The following C17orf78 variants were observed in gnomAD, a reference collection of about 807,000 sequenced individuals.
C17orf78 encodes uncharacterized protein C17orf78.
C17orf78 carries 27 observed loss-of-function variants against 31.8 expected under a neutral mutation model. The ratio of observed to expected loss-of-function variants is 0.85; its 90% CI spans 0.63 to 1.17. The LOEUF (loss-of-function observed/expected upper bound fraction) is 1.17. Ranked by LOEUF, C17orf78 falls within the 50% of genes most tolerant of loss-of-function variation. The pLI, the probability that C17orf78 is intolerant of heterozygous loss-of-function variation, is 0.00. For missense variants in C17orf78, 258 were observed against 315.2 expected (o/e 0.82, Z 1.37); for synonymous variants, 106 against 115.1 (o/e 0.92, Z 0.51).
At chr17:37,381,671 A>G (rs977769388) in intron 3 of C17orf78, among the ~76,000 whole-genome samples, 3 of 128,230 alleles carry the variant, frequency 2.3e-5, no homozygotes, top group East Asian at 2.3e-4. Context: ...TCCGTTGCCC[A>G]GGCTGGAGTG....
At chr17:37,386,267 G>A in intron 4 of C17orf78, 142 bp downstream of exon 4, 1 of 599,888 alleles carries the variant, frequency 1.7e-6, no homozygotes, top group South Asian at 2.6e-5. Flanking sequence ...AATGTACATT[G>A]AAAAATCATT....
intron 1 of C17orf78, among the ~76,000 whole-genome samples, chr17:37,376,854 C>T (rs958618629): frequency 1.3e-5 from 2 of 152,040 alleles, no homozygotes; most frequent in Non-Finnish European, 2.9e-5. Context: ...ACTCGGGTGG[C>T]TGAGGCATAA....
In C17orf78 at chr17:37,376,057, G is replaced by A. The variant is rs751226127; in HGVS notation, c.-36G>A. 3.2e-6 allele frequency: 5 copies of A among 1,576,752 alleles called. No homozygotes were observed. In the South Asian group the frequency reaches 4.4e-5, roughly 14 times the overall value. On this transcript the variant is annotated 5_prime_UTR_variant, in exon 1 of 7. In the 5' UTR this introduces an upstream ATG that the reference lacks. Coordinates refer to ENST00000615133, the MANE Select transcript of C17orf78 (RefSeq NM_173625.5). ...TATCAAGGGCTGTGACAGATGAGCA[G>A]TGGTCTGTCTGCAATGAGCATGTGC...
chr17:37,391,501 A>C (rs1035648943), intron 6 of C17orf78, 146 bp from the exon 7 acceptor site: 9 of 694,356 alleles, frequency 1.3e-5, no homozygotes, highest in African/African-American at 1.1e-4. Context: ...ATACTTTCTC[A>C]GTGTAATTAT....
chr17:37,392,553 A>G lies in C17orf78; in HGVS notation c.*829A>G, dbSNP rs1460959167. The G allele has an allele frequency of 1.3e-5, 2 of 152,178 alleles. No individual in the cohort carries two copies. Among genetic ancestry groups the G allele is most frequent in the Non-Finnish European group, 2.9e-5 (2 of 68,028 alleles). The allele number at this position is 152,178 out of a possible 1,614,324, so 9.4% of individuals were successfully genotyped here. A position where few individuals can be genotyped will look rare whatever the true frequency, so the allele number is the denominator to read the frequency against. Reference sequence around the variant, plus strand: ...GGTGAAAAAGGAAATGTCAGGAGGGATAAGACAGGGTGAGGCCCTGCTTCT... The same window carrying G: ...GGTGAAAAAGGAAATGTCAGGAGGGGTAAGACAGGGTGAGGCCCTGCTTCT... On this transcript the variant is annotated 3_prime_UTR_variant, in exon 7 of 7. Transcript: ENST00000615133.
Position 37,388,749 on chromosome 17 carries a change from T to C in C17orf78, c.588T>C (p.Ser196=), listed in dbSNP as rs2147788091. 3 of 1,613,088 alleles carry C rather than the reference T, an allele frequency of 1.9e-6. No individual in the cohort carries two copies. Among genetic ancestry groups the C allele is most frequent in the Non-Finnish European group, 2.5e-6 (3 of 1,179,436 alleles). ...KILIAVTLLL[S]GVAIIVFVIF... is the part of the protein sequence containing the mutation. Reference sequence around the variant, plus strand: ...TGATTGCTGTCACCCTGTTGCTCAGTGGAGTTGCCATTATAGTATTTGTAA... The same window carrying C: ...TGATTGCTGTCACCCTGTTGCTCAGCGGAGTTGCCATTATAGTATTTGTAA... Residue 196 remains serine (S), a synonymous_variant, in exon 5 of 7, where the codon AGT becomes AGC. Transcript: ENST00000615133.
intron 6 of C17orf78, among the ~76,000 whole-genome samples, chr17:37,390,129 TAA>T (rs67386580): frequency 2.1e-5 from 1 of 47,590 alleles, no homozygotes; most frequent in Non-Finnish European, 3.5e-5. Flanking sequence ...CTGTCTCTAT[TAA>T]AAAAAAAAGT....
At chr17:37,383,324 C>G (rs2050386430) in intron 3 of C17orf78, among the ~76,000 whole-genome samples, 1 of 152,136 alleles carries the variant, frequency 6.6e-6, no homozygotes, top group Admixed American at 6.5e-5. Context: ...AAAGATCAAC[C>G]TGACCTAATT....
chr17:37,377,843 C>A, intron 1 of C17orf78, 36 bp from the exon 2 acceptor site: 2 of 1,533,116 alleles, frequency 1.3e-6, no homozygotes, highest in African/African-American at 1.4e-5. Context: ...CCCAAACCTT[C>A]CCCGGTTCCC....
chr17:37,378,929 C>T (rs1224148390), intron 2 of C17orf78, among the ~76,000 whole-genome samples: 1 of 151,964 alleles, frequency 6.6e-6, no homozygotes, highest in Non-Finnish European at 1.5e-5. Context: ...AGCAAAGTGG[C>T]ATACACCTGT....
intron 3 of C17orf78, among the ~76,000 whole-genome samples, chr17:37,382,153 A>G (rs1390981898): frequency 2.0e-5 from 3 of 152,080 alleles, no homozygotes; most frequent in African/African-American, 7.2e-5. Context: ...TATCAATAAG[A>G]TTCCAAGAAG....
chr17:37,390,858 A>T (rs781484147), intron 6 of C17orf78, among the ~76,000 whole-genome samples: 1 of 152,138 alleles, frequency 6.6e-6, no homozygotes, highest in Admixed American at 6.6e-5. Context: ...GGGACTACAA[A>T]GTCTAGTCCA....
chr17:37,378,994 C>G (rs1016345721), intron 2 of C17orf78, 143 bp from the exon 3 acceptor site: 2 of 1,003,068 alleles, frequency 2.0e-6, no homozygotes, highest in Admixed American at 2.9e-5. Context: ...GCTTGGAGAT[C>G]GAGGGAGTTT....
chr17:37,376,100 C>G lies in C17orf78; in HGVS notation c.8C>G (p.Thr3Ser). MDTILVFSLIIAS... is the reference protein window; with the variant it reads MDSILVFSLIIAS... Reference sequence around the variant, plus strand: ...GCATGTGCTCAAGCTAACATGGATACCATCTTGGTCTTCAGCCTAATCATT... The same window carrying G: ...GCATGTGCTCAAGCTAACATGGATAGCATCTTGGTCTTCAGCCTAATCATT... The change falls in exon 1 of 7, where the codon ACC becomes AGC. Residue 3 changes from threonine (T) to serine (S), a missense_variant. By Grantham distance (58) the Thr-to-Ser change is moderately conservative (BLOSUM62 1). Transcript: ENST00000615133. 2 of 1,612,608 alleles carry G rather than the reference C, an allele frequency of 1.2e-6. No individual in the cohort carries two copies.
intron 3 of C17orf78, among the ~76,000 whole-genome samples, chr17:37,381,794 AT>A (rs570842986): frequency 2.0e-5 from 3 of 151,390 alleles, no homozygotes; most frequent in Non-Finnish European, 4.4e-5. Flanking sequence ...CACCCAGTTA[AT>A]TTTTTGTATT....
rs192898754 is a variant in C17orf78, at chr17:37,381,728, C to T, written c.391+2346C>T. 4.7e-3 allele frequency among the ~76,000 whole-genome samples: 704 copies of T among 150,128 alleles called. 6 individuals carry two copies. Among genetic ancestry groups the T allele is most frequent in the Middle Eastern group, 6.8e-3 (2 of 294 alleles). Reference sequence around the variant, plus strand: ...CTGCAAGCTCCGCCTCTCGGGTTCACGCCATTCTCCTGCCTCAGCCTCCCG... The same window carrying T: ...CTGCAAGCTCCGCCTCTCGGGTTCATGCCATTCTCCTGCCTCAGCCTCCCG... On this transcript the variant is annotated intron_variant, in intron 3 of 6. Transcript: ENST00000615133.
chr17:37,390,254 T>A (rs1281228406), intron 6 of C17orf78, among the ~76,000 whole-genome samples: 3 of 30,012 alleles, frequency 1.0e-4, no homozygotes, highest in Admixed American at 1.1e-3. Flanking sequence ...ATATATATAT[T>A]ATATATAATT....
rs776366004 is a variant in C17orf78 at position 37,379,303 on chromosome 17, C to T, written c.312C>T (p.Arg104=). 1 of 1,613,892 alleles carries T rather than the reference C, an allele frequency of 6.2e-7. No individual in the cohort carries two copies. Among genetic ancestry groups the T allele is most frequent in the Non-Finnish European group, 8.5e-7 (1 of 1,179,908 alleles). ...ACCTGAGAATCATTGCTGCTCCCCG[C>T]AGAAACAGCTCTGCCTCCTCAAGCT... ...LKNLRIIAAP[R]RNSSASSSCH... The change falls in exon 3 of 7, where the codon CGC becomes CGT. Residue 104 remains arginine (R), a synonymous_variant. Transcript: ENST00000615133.
chr17:37,387,297 T>C (rs527265664), intron 4 of C17orf78: 1 of 151,630 alleles, frequency 6.6e-6, no homozygotes, highest in African/African-American at 2.4e-5. Context: ...TTTTTGTATT[T>C]TTAGCAGAGA....
Sources: allele counts gnomAD v4.1 joint callset (sites outside exome capture counted in the v4.1 genomes callset), GRCh38; gene constraint gnomAD v4.1.1; transcripts MANE v1.5; gene names NCBI Gene and HGNC (gene_info 2026-07-23, HGNC 2026-07-21).